ZFPM2: variants seen among roughly 807,000 people sequenced by gnomAD.
ZFPM2 encodes the protein zinc finger protein, FOG family member 2.
Under a neutral mutation model 98.6 loss-of-function variants are expected in ZFPM2, and 20 were observed. The ratio of observed to expected loss-of-function variants is 0.20; its 90% confidence interval spans 0.14 to 0.29. ZFPM2 has a LOEUF of 0.29. Ranked by LOEUF, ZFPM2 falls within the 10% of genes least tolerant of loss-of-function variation. ZFPM2 has a pLI of 1.00. For synonymous variants in ZFPM2, 518 were observed against 502.7 expected (o/e 1.03, Z -0.41); for missense variants, 1,310 against 1,388.6 (o/e 0.94, Z 0.90).
chr8:105,703,405 C>T (rs1399724707), intron 5 of ZFPM2, among the ~76,000 whole-genome samples: 4 of 152,108 alleles, frequency 2.6e-5, no homozygotes, highest in Non-Finnish European at 4.4e-5. Context: ...TAGTGGGACT[C>T]ACCACTTGGA....
At chr8:105,598,578 G>A (rs1417664080) in intron 4 of ZFPM2, among the ~76,000 whole-genome samples, 1 of 151,998 alleles carries the variant, frequency 6.6e-6, no homozygotes, top group African/African-American at 2.4e-5. Flanking sequence ...TTTAAAAAGT[G>A]GAATAATGCC....
intron 5 of ZFPM2, among the ~76,000 whole-genome samples, chr8:105,776,277 A>ACAGC (rs1320980465): frequency 2.0e-5 from 3 of 152,132 alleles, no homozygotes; most frequent in Admixed American, 1.3e-4. Flanking sequence ...CCTGTTTGCC[A>ACAGC]CAGCTAATTA....
chr8:105,355,762 G>A (rs139704162), intron 1 of ZFPM2, among the ~76,000 whole-genome samples: 128 of 152,256 alleles, frequency 8.4e-4, no homozygotes, highest in Middle Eastern at 3.4e-3. Flanking sequence ...GACCAACATA[G>A]TTTAGGTGAT....
intron 2 of ZFPM2, among the ~76,000 whole-genome samples, chr8:105,435,695 T>G (rs547937409): frequency 9.9e-5 from 15 of 152,246 alleles, no homozygotes; most frequent in African/African-American, 3.6e-4. Flanking sequence ...ATAAAGTCAA[T>G]TTCATTTAAA....
intron 3 of ZFPM2, among the ~76,000 whole-genome samples, chr8:105,461,498 A>G (rs10505075): frequency 0.091 from 13,790 of 152,180 alleles, 699 homozygotes; most frequent in East Asian, 0.15. Flanking sequence ...AAATCATTCA[A>G]ATAAAAGGGC....
intron 1 of ZFPM2, among the ~76,000 whole-genome samples, chr8:105,412,116 C>T (rs1412924998): frequency 6.6e-6 from 1 of 151,590 alleles, no homozygotes; most frequent in Non-Finnish European, 1.5e-5. Context: ...ATAAAAATGG[C>T]CAAAGACTTT....
chr8:105,458,070 T>C (rs559964227), intron 3 of ZFPM2, among the ~76,000 whole-genome samples: 1 of 152,278 alleles, frequency 6.6e-6, no homozygotes, highest in African/African-American at 2.4e-5. Flanking sequence ...CTCTTGGCTG[T>C]TGGAAGTTTT....
At chr8:105,488,794 C>T (rs1426031581) in intron 3 of ZFPM2, among the ~76,000 whole-genome samples, 2 of 151,898 alleles carry the variant, frequency 1.3e-5, no homozygotes, top group Non-Finnish European at 2.9e-5. Flanking sequence ...AAGTAACTGG[C>T]CCAAAGTAAA....
intron 5 of ZFPM2, among the ~76,000 whole-genome samples, chr8:105,637,732 G>A (rs1272519353): frequency 6.6e-6 from 1 of 151,978 alleles, no homozygotes; most frequent in Non-Finnish European, 1.5e-5. Flanking sequence ...ACTCCTACTC[G>A]TATCCAAACA....
intron 5 of ZFPM2, among the ~76,000 whole-genome samples, chr8:105,744,051 A>G (rs541929643): frequency 6.6e-6 from 1 of 152,252 alleles, no homozygotes; most frequent in East Asian, 1.9e-4. Flanking sequence ...AATCTTAAAA[A>G]CATTAAAAAC....
intron 5 of ZFPM2, among the ~76,000 whole-genome samples, chr8:105,650,470 G>A (rs1284804008): frequency 2.6e-5 from 4 of 152,096 alleles, no homozygotes; most frequent in African/African-American, 9.7e-5. Flanking sequence ...TGTGATATTA[G>A]GGTGTCAATT....
intron 4 of ZFPM2, among the ~76,000 whole-genome samples, chr8:105,626,727 G>A (rs1226704623): frequency 1.3e-5 from 2 of 152,276 alleles, no homozygotes; most frequent in East Asian, 3.9e-4. Context: ...AATATAAACA[G>A]CTATGAATTT....
chr8:105,514,771 T>C (rs1049240532), intron 3 of ZFPM2, among the ~76,000 whole-genome samples: 1 of 152,184 alleles, frequency 6.6e-6, no homozygotes, highest in Non-Finnish European at 1.5e-5. Flanking sequence ...AATTGCAATT[T>C]ATGTCTCCCT....
chr8:105,777,845 T>C (rs1813139512), intron 5 of ZFPM2, among the ~76,000 whole-genome samples: 1 of 152,142 alleles, frequency 6.6e-6, no homozygotes, highest in Non-Finnish European at 1.5e-5. Flanking sequence ...TATAAGCAAT[T>C]TTATTATAGA....
chr8:105,410,505 G>A (rs1236649261), intron 1 of ZFPM2, among the ~76,000 whole-genome samples: 1 of 151,788 alleles, frequency 6.6e-6, no homozygotes, highest in African/African-American at 2.4e-5. Context: ...AAAAGACTCC[G>A]TGCCCCATTT....
intron 5 of ZFPM2, among the ~76,000 whole-genome samples, chr8:105,752,302 A>G (rs1812496093): frequency 6.6e-6 from 1 of 152,132 alleles, no homozygotes; most frequent in Non-Finnish European, 1.5e-5. Context: ...GTAGTTTTCT[A>G]AATTTGTGAT....
chr8:105,352,348 CACAATA>C lies in ZFPM2; in HGVS notation c.40+33374_40+33379del, dbSNP rs902939070. ...TATGCTCTAAACTGCTTATTTAATA[CACAATA>C]ACAATATCAATTATAATTTATATGA... On this transcript the variant is annotated intron_variant, in intron 1 of 7. Coordinates refer to ENST00000407775, the MANE Select transcript of ZFPM2 (RefSeq NM_012082.4). 2.6e-5 allele frequency among the ~76,000 whole-genome samples: 4 copies of C among 152,136 alleles called. No homozygotes were observed. In the South Asian group the frequency reaches 6.2e-4, roughly 24 times the overall value.
At chr8:105,771,005 T>C (rs1289603820) in intron 5 of ZFPM2, among the ~76,000 whole-genome samples, 1 of 152,186 alleles carries the variant, frequency 6.6e-6, no homozygotes, top group Non-Finnish European at 1.5e-5. Flanking sequence ...ATGCAGATGC[T>C]CAGGTGTGAA....
rs1175935792 is a variant in ZFPM2 at position 105,444,271 on chromosome 8, G to A, written c.200-9G>A. Reference sequence around the variant, plus strand: ...ATTTTCTTTCTCTCCTTGTGTTGGTGTTTTCCAGGTGATGATGAAGGAATC... The same window carrying A: ...ATTTTCTTTCTCTCCTTGTGTTGGTATTTTCCAGGTGATGATGAAGGAATC... On this transcript the variant is annotated splice_polypyrimidine_tract_variant and intron_variant, in intron 2 of 7. Coordinates refer to ENST00000407775, the MANE Select transcript of ZFPM2 (RefSeq NM_012082.4). 4 of 1,605,234 alleles carry A rather than the reference G, an allele frequency of 2.5e-6. No homozygotes were observed. The highest frequency in any genetic ancestry group is 4.5e-5 in the East Asian group (2 of 44,650).
Sources: allele counts gnomAD v4.1 joint callset (sites outside exome capture counted in the v4.1 genomes callset), GRCh38; gene constraint gnomAD v4.1.1; transcripts MANE v1.5; gene names NCBI Gene and HGNC (gene_info 2026-07-23, HGNC 2026-07-21).